Variants in PTPRA observed in about 807,000 individuals in gnomAD.
The protein encoded by PTPRA is protein tyrosine phosphatase receptor type A.
A neutral mutation model predicts 104.8 loss-of-function variants in PTPRA; 25 were observed. The ratio of observed to expected loss-of-function variants is 0.24; its 90% CI spans 0.17 to 0.33. PTPRA has a LOEUF of 0.33. PTPRA is among the 10% of genes least tolerant of loss of function. PTPRA has a pLI of 1.00. For synonymous variants in PTPRA, 323 were observed against 368.9 expected (o/e 0.88, Z 1.43); for missense variants, 765 against 1,015.3 (o/e 0.75, Z 3.35).
intron 2 of PTPRA, among the ~76,000 whole-genome samples, chr20:2,925,350 G>A (rs6115726): frequency 6.6e-6 from 1 of 152,170 alleles, no homozygotes; most frequent in South Asian, 2.1e-4. Flanking sequence ...ATTTCACATA[G>A]GATGACCTTG....
rs1170874283 is a variant in PTPRA, at chr20:3,035,287, G to A, written c.1921-298G>A. Among the ~76,000 whole-genome samples, 1 of 152,182 alleles carries A rather than the reference G, an allele frequency of 6.6e-6. No individual in the cohort carries two copies. Among genetic ancestry groups the A allele is most frequent in the Middle Eastern group, 3.4e-3 (1 of 294 alleles). On this transcript the variant is annotated intron_variant, in intron 20 of 23. Coordinates refer to ENST00000399903, the MANE Select transcript of PTPRA (RefSeq NM_001385305.1). The surrounding 1 kb of genome is among the most constrained non-coding windows in gnomAD (Gnocchi z 5.8). ...CCCATGGGAGAAAAAGAAAGGAATT[G>A]GAACAAAGATTTTCACTCGTCCTCC...
chr20:2,888,220 GT>G (rs1311208807), intron 1 of PTPRA, among the ~76,000 whole-genome samples: 1 of 152,178 alleles, frequency 6.6e-6, no homozygotes, highest in Non-Finnish European at 1.5e-5. Flanking sequence ...CCCTAAATCA[GT>G]GATTCTCAAT....
chr20:2,866,756 G>A, the PTPRA span: 4 of 928,496 alleles, frequency 4.3e-6, no homozygotes, highest in South Asian at 5.5e-5. Context: ...ACACAGTCCA[G>A]CCTAAGCAAA....
At position 2,987,224 on chromosome 20, in the gene PTPRA, T is replaced by G. The variant is rs142868860; in HGVS notation, c.527+375T>G. Among the ~76,000 whole-genome samples the G allele has an allele frequency of 2.3e-3, 353 of 152,056 alleles. No homozygotes were observed. In the Middle Eastern group the frequency reaches 0.024, roughly 10 times the overall value. ...AACCCCTAAAAGGGCCCCAGTAAGA[T>G]TACATGCTCAACAAAAGCCTACTGT... On this transcript the variant is annotated intron_variant, in intron 7 of 23. Transcript: ENST00000399903.
At chr20:2,905,714 T>G (rs1036326812) in intron 1 of PTPRA, among the ~76,000 whole-genome samples, 1 of 126,942 alleles carries the variant, frequency 7.9e-6, no homozygotes, top group Non-Finnish European at 1.6e-5. Flanking sequence ...TTTTTTTTTT[T>G]GCTCTTGTTT....
At chr20:3,016,711 G>A (rs987258242) in intron 12 of PTPRA, among the ~76,000 whole-genome samples, 12 of 152,248 alleles carry the variant, frequency 7.9e-5, no homozygotes, top group African/African-American at 2.9e-4. Flanking sequence ...CTGTACTCCA[G>A]CCTGGGTGAC....
intron 1 of PTPRA, among the ~76,000 whole-genome samples, chr20:2,897,633 C>T (rs2059061830): frequency 6.6e-6 from 1 of 152,008 alleles, no homozygotes; most frequent in Non-Finnish European, 1.5e-5. Flanking sequence ...GATGATCTGC[C>T]CACCTTGGCC....
intron 1 of PTPRA, among the ~76,000 whole-genome samples, chr20:2,902,407 G>A (rs898666273): frequency 2.6e-5 from 4 of 152,150 alleles, no homozygotes; most frequent in African/African-American, 9.7e-5. Flanking sequence ...GGAGCAAAAA[G>A]TTGGTTTCCA....
chr20:2,935,255 A>G (rs1255676736), intron 2 of PTPRA, among the ~76,000 whole-genome samples: 3 of 152,098 alleles, frequency 2.0e-5, no homozygotes, highest in South Asian at 2.1e-4. Flanking sequence ...TTGTCTTTCT[A>G]TGTCTGGCTT....
At chr20:2,878,482 T>TTACA (rs1380794621) in intron 1 of PTPRA, among the ~76,000 whole-genome samples, 1 of 152,232 alleles carries the variant, frequency 6.6e-6, no homozygotes, top group African/African-American at 2.4e-5. Flanking sequence ...AGTGCTGGGA[T>TTACA]TACAGGTGTG....
chr20:2,875,117 T>G (rs567718776), intron 1 of PTPRA, among the ~76,000 whole-genome samples: 2 of 152,186 alleles, frequency 1.3e-5, no homozygotes, highest in Admixed American at 6.5e-5. Context: ...TTCTCTCTTA[T>G]GCCTAGGCTC....
rs972219978 is a variant in PTPRA, at chr20:2,964,426, C to A, written c.73+76C>A. 4 of 1,205,910 alleles carry A rather than the reference C, an allele frequency of 3.3e-6. No homozygotes were observed. In the African/African-American group the frequency reaches 4.6e-5, roughly 14 times the overall value. 74.7% of individuals were successfully genotyped at this position (1,205,910 alleles called of 1,614,324 possible). ...CATTTAATGAGCCACATTTGAAAAC[C>A]GAGATGGTATTTGAAGAAAGGAATA... On this transcript the variant is annotated intron_variant, in intron 4 of 23. Transcript: ENST00000399903.
At chr20:3,036,713 C>T (rs1485651239) in intron 22 of PTPRA, among the ~76,000 whole-genome samples, 1 of 152,214 alleles carries the variant, frequency 6.6e-6, no homozygotes, top group Non-Finnish European at 1.5e-5. Flanking sequence ...TTGTCAAGGT[C>T]AGAGTCTGGA....
At chr20:3,019,127 G>A in intron 13 of PTPRA, among the ~76,000 whole-genome samples, 1 of 140,140 alleles carries the variant, frequency 7.1e-6, no homozygotes, top group African/African-American at 2.7e-5. Flanking sequence ...CTCACCTCCT[G>A]GACGGGGCGG....
intron 5 of PTPRA, among the ~76,000 whole-genome samples, chr20:2,972,350 G>A (rs2062225366): frequency 6.6e-6 from 1 of 152,040 alleles, no homozygotes; most frequent in Non-Finnish European, 1.5e-5. Flanking sequence ...GACTATAGGC[G>A]CATGTCACCA....
chr20:2,931,763 A>C (rs1246561322), intron 2 of PTPRA, among the ~76,000 whole-genome samples: 1 of 151,238 alleles, frequency 6.6e-6, no homozygotes, highest in Non-Finnish European at 1.5e-5. Flanking sequence ...ACTGGGTCTC[A>C]TTCTGTTACC....
At chr20:2,937,047 T>G (rs2060729543) in intron 2 of PTPRA, among the ~76,000 whole-genome samples, 1 of 152,066 alleles carries the variant, frequency 6.6e-6, no homozygotes, top group Non-Finnish European at 1.5e-5. Flanking sequence ...AGTCTATTAA[T>G]ATCAACTTTT....
intron 11 of PTPRA, among the ~76,000 whole-genome samples, chr20:3,013,826 C>G (rs2064302035): frequency 6.6e-6 from 1 of 152,128 alleles, no homozygotes; most frequent in Non-Finnish European, 1.5e-5. Flanking sequence ...AGCCAGGGAG[C>G]CACATTTCAT....
intron 3 of PTPRA, among the ~76,000 whole-genome samples, chr20:2,961,009 C>G (rs1178024): frequency 0.24 from 36,569 of 151,992 alleles, 7,781 homozygotes; most frequent in African/African-American, 0.57. Flanking sequence ...GATGTGCCAT[C>G]ACTTATTTAT....
Sources: allele counts gnomAD v4.1 joint callset (sites outside exome capture counted in the v4.1 genomes callset), GRCh38; gene constraint gnomAD v4.1.1; non-coding constraint Gnocchi (gnomAD v3.1); transcripts MANE v1.5; gene names NCBI Gene and HGNC (gene_info 2026-07-23, HGNC 2026-07-21).